LAMC2: variants seen among roughly 807,000 people sequenced by gnomAD.
The protein encoded by LAMC2 is laminin subunit gamma 2, also known as laminin subunit gamma-2.
Under a neutral mutation model 140.2 loss-of-function variants are expected in LAMC2, and 97 were observed. That is an observed-to-expected ratio of 0.69 (90% CI 0.59 to 0.82). LAMC2 has a LOEUF of 0.82. Ranked by LOEUF, LAMC2 falls within the 40% of genes least tolerant of loss-of-function variation. LAMC2 has a pLI of 0.00. For missense variants in LAMC2, 1,402 were observed against 1,476.1 expected, an observed-to-expected ratio of 0.95 and a Z score of 0.82; for synonymous variants, 513 against 540.2, an observed-to-expected ratio of 0.95 and a Z score of 0.70.
chr1:183,236,726 G>A, intron 17 of LAMC2, 122 bp downstream of exon 17: 1 of 1,142,782 alleles, frequency 8.8e-7, no homozygotes. Context: ...TTCTGTTTTA[G>A]AGTGGGAAGA....
chr1:183,227,082 C>A lies in LAMC2; in HGVS notation c.1285+166C>A, dbSNP rs16860609. On this transcript the variant is annotated intron_variant, in intron 9 of 22. Coordinates refer to ENST00000264144, the MANE Select transcript of LAMC2 (RefSeq NM_005562.3). The stretch of plus-strand genomic sequence containing the variant: ...ATGGTGCCTTATTACACTCAATCCT[C>A]TTCACTGTGGAAATGCCACAAAGTT... 0.054 allele frequency among the ~76,000 whole-genome samples: 8,216 copies of A among 152,194 alleles called. 723 individuals are homozygous for A. The highest frequency in any genetic ancestry group is 0.18 in the African/African-American group (7,652 of 41,460).
the LAMC2 span, chr1:183,252,587 C>G: frequency 2.4e-6 from 3 of 1,227,896 alleles, no homozygotes; most frequent in East Asian, 7.0e-5. Flanking sequence ...AGGAGAGAAA[C>G]AGGGGGCTGA....
intron 11 of LAMC2, 63 bp from the exon 12 acceptor site, chr1:183,230,892 GTATCTT>G: frequency 6.4e-7 from 1 of 1,572,508 alleles, no homozygotes; most frequent in Non-Finnish European, 8.7e-7. Context: ...CTCCTTCCTT[GTATCTT>G]TGCTCTACCT....
chr1:183,232,686 G>A lies in LAMC2; in HGVS notation c.2049G>A (p.Lys683=). 6.2e-7 allele frequency: 1 copy of A among 1,613,472 alleles called. No homozygotes were observed. The highest frequency in any genetic ancestry group is 1.3e-5 in the African/African-American group (1 of 75,002). The change falls in exon 14 of 23, where the codon AAG becomes AAA. Residue 683 remains lysine, a synonymous_variant. Coordinates refer to ENST00000264144, the MANE Select transcript of LAMC2 (RefSeq NM_005562.3). ...GATCCCTTGGTCTCCAGTTGGCCAA[G>A]GTGAGGAGCCAAGAGAACAGCTACC... is the stretch of plus-strand genomic sequence containing the variant. The part of the protein sequence containing the change: ...ASRSLGLQLA[K]VRSQENSYQS...
At chr1:183,214,784 C>T (rs1468435979) in intron 2 of LAMC2, among the ~76,000 whole-genome samples, 1 of 152,038 alleles carries the variant, frequency 6.6e-6, no homozygotes, top group Non-Finnish European at 1.5e-5. Context: ...GACCTGGCAG[C>T]ATCCCACAGT....
intron 19 of LAMC2, 40 bp downstream of exon 19, chr1:183,238,461 T>C (rs1660033287): frequency 1.5e-6 from 2 of 1,356,806 alleles, no homozygotes; most frequent in African/African-American, 2.8e-5. Context: ...GTATTTTAAG[T>C]GTATAGTCAT....
chr1:183,249,682 C>CGTGTGTGTGTGTGT (rs3841433), downstream of LAMC2: 5 of 119,594 alleles, frequency 4.2e-5, no homozygotes, highest in South Asian at 3.1e-4. Flanking sequence ...AAGAGTAGGG[C>CGTGTGTGTGTGTGT]GTGTGTGTGT....
At chr1:183,199,933 G>C (rs1424299083) in intron 1 of LAMC2, among the ~76,000 whole-genome samples, 1 of 152,220 alleles carries the variant, frequency 6.6e-6, no homozygotes, top group Non-Finnish European at 1.5e-5. Flanking sequence ...GGTAAAGTTG[G>C]AAAGGTTGGC....
chr1:183,235,039 A>G (rs1485160380), intron 15 of LAMC2, among the ~76,000 whole-genome samples: 2 of 152,138 alleles, frequency 1.3e-5, no homozygotes, highest in Non-Finnish European at 2.9e-5. Flanking sequence ...GCTGATTTGT[A>G]TATTTTGTAA....
At chr1:183,252,528 A>G in the LAMC2 span, 1 of 813,442 alleles carries the variant, frequency 1.2e-6, no homozygotes, top group Admixed American at 1.7e-5. Flanking sequence ...GGGTTAAGTC[A>G]GCAAGTAGGG....
Position 183,186,281 on chromosome 1 carries a change from G to C in LAMC2, c.-72G>C. The C allele has an allele frequency of 6.5e-7, 1 of 1,536,204 alleles. No homozygotes were observed. ...AGGAAGGCACAGCGGAGCGCAGAGT[G>C]AGAACCACCAACCGAGGCGCCGGGC... On this transcript the variant is annotated 5_prime_UTR_variant, in exon 1 of 23. Coordinates refer to ENST00000264144, the MANE Select transcript of LAMC2 (RefSeq NM_005562.3).
At chr1:183,219,506 TATGGTAA>T (rs1201175092) in intron 4 of LAMC2, among the ~76,000 whole-genome samples, 5 of 152,216 alleles carry the variant, frequency 3.3e-5, no homozygotes, top group Admixed American at 2.6e-4. Flanking sequence ...TTCTGACTTT[TATGGTAA>T]TCGCTTTCTT....
In LAMC2 at chr1:183,232,813, A is replaced by T; in HGVS notation, c.2176A>T (p.Met726Leu). 6.2e-7 allele frequency: 1 copy of T among 1,614,132 alleles called. No homozygotes were observed. Among genetic ancestry groups the T allele is most frequent in the Non-Finnish European group, 8.5e-7 (1 of 1,179,988 alleles). The change falls in exon 14 of 23, where the codon ATG becomes TTG. Residue 726 changes from methionine (M) to leucine (L), a missense_variant. This residue lies in a region of LAMC2 where 670 missense variants were observed against 667.2 expected (regional missense o/e 1.00). Transcript: ENST00000264144. ...VRDTHRLITQ[M>L]QLSLAESEAS... ...GGATACTCACAGGCTCATCACTCAG[A>T]TGCAGCTGAGCCTGGCAGAAAGTGA... is the stretch of plus-strand genomic sequence containing the variant.
chr1:183,235,463 G>C (rs1230758635), intron 15 of LAMC2, 112 bp from the exon 16 acceptor site: 1 of 1,176,926 alleles, frequency 8.5e-7, no homozygotes, highest in African/African-American at 1.5e-5. Flanking sequence ...AGTTCTGTAG[G>C]GTTTTTCTAA....
intron 22 of LAMC2, chr1:183,240,724 A>T: frequency 2.4e-6 from 3 of 1,224,902 alleles, no homozygotes; most frequent in Non-Finnish European, 3.1e-6. Context: ...CTGAGAAGCC[A>T]GTGGACAGTT....
chr1:183,228,841 G>A lies in LAMC2; in HGVS notation c.1714+222G>A, dbSNP rs1659714405. ...GGAAGACAGAGCTGGGTTAAAGCTG[G>A]GTGGGAGAAGTGAAAAAGGTCAGGT... On this transcript the variant is annotated intron_variant, in intron 11 of 22. Transcript: ENST00000264144. The surrounding 1 kb of genome is among the most constrained non-coding windows in gnomAD (Gnocchi z 4.3). 6.6e-6 allele frequency among the ~76,000 whole-genome samples: 1 copy of A among 152,176 alleles called. No individual in the cohort carries two copies. Among genetic ancestry groups the A allele is most frequent in the Non-Finnish European group, 1.5e-5 (1 of 68,028 alleles).
chr1:183,240,269 G>T, intron 21 of LAMC2, 23 bp from the exon 22 acceptor site: 2 of 1,614,204 alleles, frequency 1.2e-6, no homozygotes, highest in Non-Finnish European at 1.7e-6. Flanking sequence ...TTTCAAGGCT[G>T]GTTTGTGCTT....
Position 183,244,498 on chromosome 1 carries a change from C to T in LAMC2, c.*1098C>T, listed in dbSNP as rs1211058365. On this transcript the variant is annotated 3_prime_UTR_variant, in exon 23 of 23. Transcript: ENST00000264144. ...GGACAGTGGTGACATAGTCTCTGCCCTCATAGAGTTGATTGTCTAGTGAGG... is the reference window on the plus strand; with the variant it reads ...GGACAGTGGTGACATAGTCTCTGCCTTCATAGAGTTGATTGTCTAGTGAGG... 1 of 152,492 alleles carries T rather than the reference C, an allele frequency of 6.6e-6. No individual in the cohort carries two copies. The highest frequency in any genetic ancestry group is 1.9e-4 in the East Asian group (1 of 5,196). 9.4% of individuals were successfully genotyped at this position (152,492 alleles called of 1,614,324 possible).
At chr1:183,230,842 A>T in intron 11 of LAMC2, 119 bp from the exon 12 acceptor site, 1 of 1,142,780 alleles carries the variant, frequency 8.8e-7, no homozygotes, top group Non-Finnish European at 1.3e-6. Context: ...AAGAAGGTGC[A>T]TGGAGGTATA....
Sources: gnomAD v4.1 joint callset for allele counts (sites outside exome capture counted in the v4.1 genomes callset) on GRCh38, gnomAD v4.1.1 for gene constraint, gnomAD v4.1.1 regional missense constraint, Gnocchi (gnomAD v3.1) non-coding constraint, MANE v1.5 for transcripts, NCBI Gene and HGNC (gene_info 2026-07-23, HGNC 2026-07-21) for gene names.